Variants in RBFOX3 observed in about 807,000 individuals in gnomAD.
RBFOX3 encodes the protein RNA binding fox-1 homolog 3, also known as RNA binding protein fox-1 homolog 3.
Under a neutral mutation model 48.7 loss-of-function variants are expected in RBFOX3, and 17 were observed. That is an observed-to-expected ratio of 0.35 (90% CI 0.24 to 0.52). The LOEUF is 0.52. Among genes scored for constraint, RBFOX3 ranks in the 20% least tolerant of loss-of-function variants. RBFOX3 has a pLI of 0.94. For missense variants in RBFOX3, 382 were observed against 497.5 expected (o/e 0.77, Z 2.21); for synonymous variants, 212 against 209.5 (o/e 1.01, Z -0.10).
chr17:79,611,799 C>T (rs1483737750), upstream of RBFOX3, among the ~76,000 whole-genome samples: 14 of 152,232 alleles, frequency 9.2e-5, no homozygotes, highest in African/African-American at 3.1e-4. Flanking sequence ...GGGCCCACTC[C>T]GTGCTGTTAG....
chr17:79,509,583 T>C (rs1490593314), intron 1 of RBFOX3, among the ~76,000 whole-genome samples: 3 of 152,018 alleles, frequency 2.0e-5, no homozygotes, highest in Non-Finnish European at 2.9e-5. Flanking sequence ...GCCATACCAT[T>C]CCCCACCCCA....
intron 4 of RBFOX3, among the ~76,000 whole-genome samples, chr17:79,157,028 G>A (rs142512499): frequency 2.6e-5 from 4 of 152,178 alleles, no homozygotes; most frequent in South Asian, 2.1e-4. Flanking sequence ...CAGCCCCTGC[G>A]CTCTCCTCAG....
intron 1 of RBFOX3, among the ~76,000 whole-genome samples, chr17:79,585,816 A>C (rs1237794377): frequency 6.6e-6 from 1 of 152,172 alleles, no homozygotes; most frequent in Non-Finnish European, 1.5e-5. Context: ...CCGAGAGACA[A>C]GAGAAAGTGA....
At chr17:79,620,115 A>C in the RBFOX3 span, among the ~76,000 whole-genome samples, 5 of 134,192 alleles carry the variant, frequency 3.7e-5, no homozygotes, top group Admixed American at 2.8e-4. Context: ...ATGCACGCAT[A>C]TGCACACATA....
chr17:79,616,582 AACACAC>A, the RBFOX3 span, among the ~76,000 whole-genome samples: 4 of 145,652 alleles, frequency 2.7e-5, no homozygotes, highest in Non-Finnish European at 6.0e-5. Flanking sequence ...TCTCTATACA[AACACAC>A]ACACACACAC....
intron 1 of RBFOX3, among the ~76,000 whole-genome samples, chr17:79,590,936 G>A (rs2093398580): frequency 6.6e-6 from 1 of 152,174 alleles, no homozygotes; most frequent in African/African-American, 2.4e-5. Context: ...CCTCAAGACT[G>A]CAGCCAACTT....
chr17:79,555,195 G>C (rs1395398434), intron 1 of RBFOX3, among the ~76,000 whole-genome samples: 6 of 152,240 alleles, frequency 3.9e-5, no homozygotes, highest in African/African-American at 1.4e-4. Flanking sequence ...AATCACATGG[G>C]TGATAGCTAT....
rs2056202965 is a variant in RBFOX3 at position 79,198,707 on chromosome 17, C to A, written c.-34+37059G>T. Reference sequence around the variant, plus strand: ...GTGGCATGATCTAGGCTCGTTGCAACCTCCACCTTCCGGGTTCAAGCGATT... The same window carrying A: ...GTGGCATGATCTAGGCTCGTTGCAAACTCCACCTTCCGGGTTCAAGCGATT... On this transcript the variant is annotated intron_variant, in intron 4 of 14. Coordinates refer to ENST00000693108, the MANE Select transcript of RBFOX3 (RefSeq NM_001350451.2). This position sits in a 1 kb window ranked among gnomAD's most constrained non-coding sequence, Gnocchi z 8.2. Among the ~76,000 whole-genome samples the A allele has an allele frequency of 1.3e-5, 2 of 152,044 alleles. No individual in the cohort carries two copies. The highest frequency in any genetic ancestry group is 2.9e-5 in the Non-Finnish European group (2 of 68,020).
intron 1 of RBFOX3, among the ~76,000 whole-genome samples, chr17:79,584,355 G>A (rs1349560967): frequency 4.6e-5 from 7 of 152,138 alleles, no homozygotes; most frequent in Admixed American, 3.9e-4. Flanking sequence ...ACTATAAGTA[G>A]AACTACCATT....
chr17:79,595,101 T>C (rs2145188343), intron 1 of RBFOX3, among the ~76,000 whole-genome samples: 1 of 151,966 alleles, frequency 6.6e-6, no homozygotes, highest in East Asian at 1.9e-4. Flanking sequence ...ATCCCACCCT[T>C]AGAGTAACAG....
chr17:79,115,702 T>TAGGGGGGGGGGGGGG lies in RBFOX3; in HGVS notation c.13_14insCCCCCCCCCCCCCCT (p.Pro4_Tyr5insSerProProProPro). Reference sequence around the variant, plus strand: ...CGGAGGGGGGTACTGGGCGGGGGGGTAGGGCTGGGCCATCGCTTCAGGCGG... The same window carrying TAGGGGGGGGGGGGGG: ...CGGAGGGGGGTACTGGGCGGGGGGGTAGGGGGGGGGGGGGGAGGGCTGGGCCATCGCTTCAGGCGG... On this transcript the variant is annotated inframe_insertion, in exon 5 of 15. Transcript: ENST00000693108. 1 of 375,682 alleles carries TAGGGGGGGGGGGGGG rather than the reference T, an allele frequency of 2.7e-6. No homozygotes were observed. The highest frequency in any genetic ancestry group is 6.5e-5 in the East Asian group (1 of 15,408). The allele number at this position is 375,682 out of a possible 1,614,324, so 23.3% of individuals were successfully genotyped here.
intron 4 of RBFOX3, among the ~76,000 whole-genome samples, chr17:79,206,285 G>A (rs2057466135): frequency 6.6e-6 from 1 of 152,116 alleles, no homozygotes; most frequent in African/African-American, 2.4e-5. Flanking sequence ...TGGGAATACA[G>A]CTCTAGCCTA....
intron 14 of RBFOX3, chr17:79,092,031 G>C: frequency 1.0e-6 from 1 of 985,484 alleles, no homozygotes; most frequent in Non-Finnish European, 1.2e-6. Context: ...GGTTGGCTGG[G>C]TGAAGGCCTG....
At chr17:79,180,530 G>C (rs1293246390) in intron 4 of RBFOX3, among the ~76,000 whole-genome samples, 2 of 152,208 alleles carry the variant, frequency 1.3e-5, no homozygotes, top group Admixed American at 6.5e-5. Flanking sequence ...AGCACCACAG[G>C]CTCTCATTTC....
chr17:79,596,301 C>T (rs2093568219), intron 1 of RBFOX3, among the ~76,000 whole-genome samples: 1 of 152,256 alleles, frequency 6.6e-6, no homozygotes, highest in Non-Finnish European at 1.5e-5. Flanking sequence ...CCCATTTCCT[C>T]TCTGGGCCAG....
chr17:79,124,438 C>T (rs1333605146), intron 4 of RBFOX3, among the ~76,000 whole-genome samples: 1 of 152,258 alleles, frequency 6.6e-6, no homozygotes, highest in Non-Finnish European at 1.5e-5. Context: ...TGGAGCCCCT[C>T]CTCTGGGCCT....
At chr17:79,433,752 T>A (rs1444755154) in intron 2 of RBFOX3, among the ~76,000 whole-genome samples, 1 of 152,144 alleles carries the variant, frequency 6.6e-6, no homozygotes, top group Non-Finnish European at 1.5e-5. Flanking sequence ...TTCTTGACAT[T>A]TGCCATGGTT....
rs2061223981 is a variant in RBFOX3 at position 79,390,324 on chromosome 17, G to C, written c.-174-82500C>G. Among the ~76,000 whole-genome samples, 1 of 152,220 alleles carries C rather than the reference G, an allele frequency of 6.6e-6. No individual in the cohort carries two copies. Among genetic ancestry groups the C allele is most frequent in the South Asian group, 2.1e-4 (1 of 4,834 alleles). On this transcript the variant is annotated intron_variant, in intron 2 of 14. Transcript: ENST00000693108. This position sits in a 1 kb window ranked among gnomAD's most constrained non-coding sequence, Gnocchi z 4.2. ...GGGGGGACTTCTTAGACTCCACTCT[G>C]AGTTTGGCTTTGCCACGCTGTGGTT...
chr17:79,122,712 C>CTG (rs2036087942), intron 4 of RBFOX3, among the ~76,000 whole-genome samples: 4 of 151,680 alleles, frequency 2.6e-5, no homozygotes, highest in East Asian at 1.9e-4. Context: ...AGTATGTTCC[C>CTG]AAAAGAAAGG....
Sources: allele counts gnomAD v4.1 joint callset (sites outside exome capture counted in the v4.1 genomes callset), GRCh38; gene constraint gnomAD v4.1.1; non-coding constraint Gnocchi (gnomAD v3.1); transcripts MANE v1.5; gene names NCBI Gene and HGNC (gene_info 2026-07-23, HGNC 2026-07-21).